SLC16A9: variants seen among roughly 807,000 people sequenced by gnomAD.
SLC16A9 encodes monocarboxylate transporter 9.
SLC16A9 carries 26 observed loss-of-function variants against 44.3 expected under a neutral mutation model. The ratio of observed to expected loss-of-function variants is 0.59; its 90% CI spans 0.43 to 0.81. SLC16A9 has a LOEUF of 0.81. Ranked by LOEUF, SLC16A9 falls within the 40% of genes least tolerant of loss-of-function variation. The pLI is 0.00. For synonymous variants in SLC16A9, 230 were observed against 225.1 expected (o/e 1.02, Z -0.19); for missense variants, 559 against 595.8 (o/e 0.94, Z 0.64).
intron 2 of SLC16A9, among the ~76,000 whole-genome samples, chr10:59,676,677 C>T (rs1337066101): frequency 2.0e-5 from 3 of 152,090 alleles, no homozygotes; most frequent in African/African-American, 7.2e-5. Context: ...AATCCCAGCA[C>T]TTTGTGAGGC....
chr10:59,701,257 C>T (rs1840516768), intron 1 of SLC16A9, among the ~76,000 whole-genome samples: 2 of 152,186 alleles, frequency 1.3e-5, no homozygotes, highest in Non-Finnish European at 2.9e-5. Context: ...CTCTTCCTCT[C>T]CATCTTTTCT....
At chr10:59,696,682 T>A (rs903190866) in intron 1 of SLC16A9, among the ~76,000 whole-genome samples, 1 of 146,590 alleles carries the variant, frequency 6.8e-6, no homozygotes, top group African/African-American at 2.6e-5. Flanking sequence ...CGGCCGCCCA[T>A]CATCTGAGAT....
intron 1 of SLC16A9, among the ~76,000 whole-genome samples, chr10:59,684,952 C>T (rs999681640): frequency 6.6e-6 from 1 of 152,148 alleles, no homozygotes; most frequent in African/African-American, 2.4e-5. Flanking sequence ...CAATCTATCC[C>T]CATAAGGGCT....
chr10:59,654,241 G>A lies in SLC16A9; in HGVS notation c.785C>T (p.Thr262Ile), dbSNP rs1358630525. The A allele has an allele frequency of 1.2e-6, 2 of 1,614,034 alleles. No individual in the cohort carries two copies. Among genetic ancestry groups the A allele is most frequent in the Non-Finnish European group, 1.7e-6 (2 of 1,180,036 alleles). The part of the protein sequence containing the change: ...LLHKNPTVTH[T>I]KEPETYKKKV... ...CTTTTTGTACGTTTCAGGCTCTTTTGTGTGTGTCACTGTGGGGTTTTTATG... is the reference window on the plus strand; with the variant it reads ...CTTTTTGTACGTTTCAGGCTCTTTTATGTGTGTCACTGTGGGGTTTTTATG... The change falls in exon 5 of 6, where the codon ACA becomes ATA. Residue 262 changes from threonine (T) to isoleucine (I), a missense_variant. Coordinates refer to ENST00000395348, the MANE Select transcript of SLC16A9 (RefSeq NM_194298.3).
chr10:59,693,844 C>T (rs1588991527), intron 1 of SLC16A9, among the ~76,000 whole-genome samples: 3 of 151,412 alleles, frequency 2.0e-5, no homozygotes, highest in African/African-American at 7.3e-5. Context: ...GTCTTGATCT[C>T]CTGACCTCGT....
At chr10:59,699,271 A>G (rs1369908038) in intron 1 of SLC16A9, among the ~76,000 whole-genome samples, 2 of 152,228 alleles carry the variant, frequency 1.3e-5, no homozygotes, top group African/African-American at 2.4e-5. Context: ...AGTGTGGGAA[A>G]GGTAGCAGGA....
intron 2 of SLC16A9, among the ~76,000 whole-genome samples, chr10:59,680,172 G>A (rs928806179): frequency 6.6e-6 from 1 of 152,032 alleles, no homozygotes; most frequent in African/African-American, 2.4e-5. Flanking sequence ...TCATCCCAGG[G>A]ATTATCTGGA....
At chr10:59,683,993 T>C (rs7071865) in intron 2 of SLC16A9, 103 bp downstream of exon 2, 118,158 of 898,704 alleles carry the variant, frequency 0.13, 8,440 homozygotes, top group Middle Eastern at 0.19. Flanking sequence ...AGATATGTTA[T>C]ACTTTGAAAA....
At chr10:59,668,993 C>T (rs570683902) in intron 3 of SLC16A9, among the ~76,000 whole-genome samples, 4 of 152,168 alleles carry the variant, frequency 2.6e-5, no homozygotes, top group Admixed American at 6.5e-5. Flanking sequence ...GTTCTTTTCC[C>T]TCCCCACTCT....
chr10:59,704,124 T>C (rs1312818973), intron 1 of SLC16A9, among the ~76,000 whole-genome samples: 2 of 152,218 alleles, frequency 1.3e-5, no homozygotes, highest in Non-Finnish European at 2.9e-5. Context: ...CCCTCATTCT[T>C]ACATAACAAT....
At chr10:59,691,904 A>G (rs866291637) in intron 1 of SLC16A9, among the ~76,000 whole-genome samples, 1 of 152,236 alleles carries the variant, frequency 6.6e-6, no homozygotes, top group African/African-American at 2.4e-5. Context: ...CATATGCACT[A>G]TACTAATTTT....
In SLC16A9 at chr10:59,651,535, AGT is replaced by A. The variant is rs893478738; in HGVS notation, c.*1235_*1236del. 5.9e-5 allele frequency: 9 copies of A among 152,188 alleles called. No homozygotes were observed. Among genetic ancestry groups the A allele is most frequent in the African/African-American group, 2.2e-4 (9 of 41,428 alleles). The allele number at this position is 152,188 out of a possible 1,614,324, so 9.4% of individuals were successfully genotyped here. A position where few individuals can be genotyped will look rare whatever the true frequency, so the allele number is the denominator to read the frequency against. ...AACAGCCTACACCAGCAGAATTAAA[AGT>A]TCTATGTGTGATACCCAGGTACCTA... On this transcript the variant is annotated 3_prime_UTR_variant, in exon 6 of 6. Coordinates refer to ENST00000395348, the MANE Select transcript of SLC16A9 (RefSeq NM_194298.3).
intron 4 of SLC16A9, among the ~76,000 whole-genome samples, chr10:59,657,976 C>T (rs1839386787): frequency 6.6e-6 from 1 of 152,126 alleles, no homozygotes; most frequent in South Asian, 2.1e-4. Context: ...TCAAACACAG[C>T]TGACCAGTAT....
At chr10:59,701,566 T>C (rs1386689952) in intron 1 of SLC16A9, among the ~76,000 whole-genome samples, 1 of 152,238 alleles carries the variant, frequency 6.6e-6, no homozygotes, top group Non-Finnish European at 1.5e-5. Context: ...AACTATAATG[T>C]TATTCAAAAA....
intron 1 of SLC16A9, among the ~76,000 whole-genome samples, chr10:59,708,270 G>A (rs1299975381): frequency 1.3e-5 from 2 of 152,142 alleles, no homozygotes; most frequent in African/African-American, 4.8e-5. Context: ...TTTGGTCCAG[G>A]AAAGTGGAAG....
At chr10:59,666,731 G>A (rs988803495) in intron 3 of SLC16A9, among the ~76,000 whole-genome samples, 9 of 152,062 alleles carry the variant, frequency 5.9e-5, no homozygotes, top group South Asian at 2.1e-4. Flanking sequence ...ATATAACATC[G>A]TTTTATTTGA....
At chr10:59,664,005 G>T (rs982246466) in intron 4 of SLC16A9, among the ~76,000 whole-genome samples, 1 of 110,440 alleles carries the variant, frequency 9.1e-6, no homozygotes, top group Non-Finnish European at 2.0e-5. Context: ...TCCCATACAA[G>T]ACATAAAAAT....
At chr10:59,661,421 C>T (rs1038227497) in intron 4 of SLC16A9, among the ~76,000 whole-genome samples, 9 of 152,070 alleles carry the variant, frequency 5.9e-5, no homozygotes, top group Non-Finnish European at 1.3e-4. Context: ...AATAAAATAC[C>T]TAGAAATACA....
rs761563562 is a variant in SLC16A9 at position 59,654,409 on chromosome 10, T to A, written c.617A>T (p.Asp206Val). The change falls in exon 5 of 6, where the codon GAT becomes GTT. Residue 206 changes from aspartate (D) to valine (V), a missense_variant. Coordinates refer to ENST00000395348, the MANE Select transcript of SLC16A9 (RefSeq NM_194298.3). ...GTAAATGGAGTATTTATCTGGTAGA[T>A]CTTCTGGAGCTATTTTTTTAGGCAA... Reference protein sequence around the residue: ...CPLPKKIAPEDLPDKYSIYNE... With the variant: ...CPLPKKIAPEVLPDKYSIYNE... 7 of 1,613,658 alleles carry A rather than the reference T, an allele frequency of 4.3e-6. No individual in the cohort carries two copies. In the Admixed American group the frequency reaches 1.2e-4, roughly 27 times the overall value.
Sources: gnomAD v4.1 joint callset for allele counts (sites outside exome capture counted in the v4.1 genomes callset) on GRCh38, gnomAD v4.1.1 for gene constraint, MANE v1.5 for transcripts, NCBI Gene and HGNC (gene_info 2026-07-23, HGNC 2026-07-21) for gene names.